Variants in ABLIM3 observed in about 807,000 individuals in gnomAD.
ABLIM3 encodes actin binding LIM protein family member 3.
ABLIM3 carries 61 observed loss-of-function variants against 109.5 expected under a neutral mutation model. The ratio of observed to expected loss-of-function variants is 0.56; its 90% CI spans 0.45 to 0.69. ABLIM3 has a LOEUF of 0.69. Ranked by LOEUF, ABLIM3 falls within the 30% of genes least tolerant of loss-of-function variation. The probability of loss-of-function intolerance (pLI) is 0.00; values close to 1 mark genes in which losing one functional copy is unlikely to be tolerated. For synonymous variants in ABLIM3, 300 were observed against 324.8 expected (o/e 0.92, Z 0.82); for missense variants, 796 against 889.5 (o/e 0.89, Z 1.34).
chr5:149,203,102 C>A (rs2127502123), intron 5 of ABLIM3, among the ~76,000 whole-genome samples: 1 of 151,896 alleles, frequency 6.6e-6, no homozygotes, highest in South Asian at 2.1e-4. Flanking sequence ...CACCATTGCA[C>A]CACTACCCTC....
intron 6 of ABLIM3, among the ~76,000 whole-genome samples, chr5:149,209,911 A>G (rs1412561700): frequency 1.3e-5 from 2 of 152,314 alleles, no homozygotes; most frequent in African/African-American, 4.8e-5. Flanking sequence ...CGAGATGGAA[A>G]AGTGATGTGC....
rs1758146841 is a variant in ABLIM3, at chr5:149,198,130, A to G, written c.152-89A>G. ...TTCTGTGGCCACTCATGACACAGTG[A>G]GACACCAGCCTTTCCCCCAGCGAGG... On this transcript the variant is annotated intron_variant, in intron 3 of 23. Coordinates refer to ENST00000309868, the MANE Select transcript of ABLIM3 (RefSeq NM_014945.5). This position sits in a 1 kb window ranked among gnomAD's most constrained non-coding sequence, Gnocchi z 4.2. 7.6e-7 allele frequency: 1 copy of G among 1,321,706 alleles called. No homozygotes were observed. The highest frequency in any genetic ancestry group is 1.5e-5 in the African/African-American group (1 of 67,698). 81.9% of individuals were successfully genotyped at this position (1,321,706 alleles called of 1,614,324 possible).
Position 149,242,492 on chromosome 5 carries a change from T to C in ABLIM3, c.1305T>C (p.Ala435=), listed in dbSNP as rs1337145768. The C allele has an allele frequency of 2.5e-6, 4 of 1,614,010 alleles. No homozygotes were observed. The highest frequency in any genetic ancestry group is 3.4e-6 in the Non-Finnish European group (4 of 1,180,034). The change falls in exon 15 of 24, where the codon GCT becomes GCC. Residue 435 remains alanine, a splice_region_variant and synonymous_variant. Coordinates refer to ENST00000309868, the MANE Select transcript of ABLIM3 (RefSeq NM_014945.5). The part of the protein sequence containing the change: ...YQAPKHFHIP[A]GDSNIYRKPP... ...GTCCCTTCCTGGTCTGTCTGGCAGC[T>C]GGAGACAGTAACATCTACCGGAAAC... is the stretch of plus-strand genomic sequence containing the variant.
intron 3 of ABLIM3, among the ~76,000 whole-genome samples, chr5:149,187,934 C>T (rs1757129838): frequency 6.6e-6 from 1 of 152,242 alleles, no homozygotes; most frequent in South Asian, 2.1e-4. Context: ...ATAAGAACCT[C>T]TTCCCCTCCC....
Position 149,251,413 on chromosome 5 carries a change from A to G in ABLIM3, c.1843A>G (p.Met615Val). The G allele has an allele frequency of 6.2e-7, 1 of 1,614,124 alleles. No individual in the cohort carries two copies. Among genetic ancestry groups the G allele is most frequent in the Non-Finnish European group, 8.5e-7 (1 of 1,180,004 alleles). The change falls in exon 21 of 24, where the codon ATG becomes GTG. Residue 615 changes from methionine (M) to valine (V), a missense_variant. Physicochemically the swap from Met to Val is conservative, Grantham distance 21. Transcript: ENST00000309868. Reference protein sequence around the residue: ...YDSMNAVNWGMREYKIYPYEL... With the variant: ...YDSMNAVNWGVREYKIYPYEL... ...CAGCATGAACGCAGTCAACTGGGGC[A>G]TGCGAGGTGAGTGCAGGCCTGCAGG...
chr5:149,230,639 G>A lies in ABLIM3; in HGVS notation c.758-10G>A. The stretch of plus-strand genomic sequence containing the variant: ...AGGTCTGAGTCTTCGTTATTTTCAT[G>A]ACCCCTTAGGTTCCGAGGTTTGGCA... On this transcript the variant is annotated splice_polypyrimidine_tract_variant and intron_variant, in intron 8 of 23. Transcript: ENST00000309868. 6.2e-7 allele frequency: 1 copy of A among 1,613,958 alleles called. No homozygotes were observed. Among genetic ancestry groups the A allele is most frequent in the Non-Finnish European group, 8.5e-7 (1 of 1,179,912 alleles).
Position 149,198,927 on chromosome 5 carries a change from T to C in ABLIM3, c.335+525T>C, listed in dbSNP as rs1018340289. 7.7e-6 allele frequency: 3 copies of C among 389,186 alleles called. No individual in the cohort carries two copies. The highest frequency in any genetic ancestry group is 1.6e-5 in the Non-Finnish European group (3 of 193,490). 24.1% of individuals were successfully genotyped at this position (389,186 alleles called of 1,614,324 possible). A position where few individuals can be genotyped will look rare whatever the true frequency, so the allele number is the denominator to read the frequency against. ...AAGCCATTCCAACCTCATTGGGTTT[T>C]CTCGAAGATCAATGAGATGATGATG... On this transcript the variant is annotated intron_variant, in intron 4 of 23. Coordinates refer to ENST00000309868, the MANE Select transcript of ABLIM3 (RefSeq NM_014945.5). The surrounding 1 kb of genome is among the most constrained non-coding windows in gnomAD (Gnocchi z 4.2).
intron 8 of ABLIM3, among the ~76,000 whole-genome samples, chr5:149,225,289 C>A (rs2918271): frequency 0.019 from 2,883 of 152,276 alleles, 36 homozygotes; most frequent in Middle Eastern, 0.027. Context: ...AAACCTCATA[C>A]ATGCCATTAA....
intron 3 of ABLIM3, among the ~76,000 whole-genome samples, chr5:149,197,000 G>A (rs1758042882): frequency 6.6e-6 from 1 of 152,112 alleles, no homozygotes; most frequent in Admixed American, 6.5e-5. Flanking sequence ...AAATCCTGTT[G>A]CATCTCTGTT....
intron 2 of ABLIM3, among the ~76,000 whole-genome samples, chr5:149,163,748 G>A (rs1754588643): frequency 6.6e-6 from 1 of 152,172 alleles, no homozygotes; most frequent in Admixed American, 6.5e-5. Flanking sequence ...ACTTCATCAT[G>A]TGAATTTGGG....
chr5:149,203,420 C>T, intron 5 of ABLIM3, among the ~76,000 whole-genome samples: 1 of 151,970 alleles, frequency 6.6e-6, no homozygotes. Context: ...AGCAGCAGTA[C>T]CACTGCTACC....
chr5:149,248,823 T>C (rs930823256), intron 18 of ABLIM3, among the ~76,000 whole-genome samples: 1 of 150,986 alleles, frequency 6.6e-6, no homozygotes, highest in Non-Finnish European at 1.5e-5. Context: ...TTCAAATACT[T>C]CTTGAAAATC....
At chr5:149,237,914 T>C (rs980583248) in intron 11 of ABLIM3, among the ~76,000 whole-genome samples, 1 of 152,142 alleles carries the variant, frequency 6.6e-6, no homozygotes, top group Non-Finnish European at 1.5e-5. Context: ...AATCCCAGCA[T>C]TGAAGCTAAG....
chr5:149,157,675 G>A (rs1045382563), intron 2 of ABLIM3, among the ~76,000 whole-genome samples: 3 of 151,996 alleles, frequency 2.0e-5, no homozygotes, highest in African/African-American at 7.3e-5. Flanking sequence ...AGAAGAAGAA[G>A]TGTTTATTCC....
intron 3 of ABLIM3, among the ~76,000 whole-genome samples, chr5:149,188,593 T>A (rs10068169): frequency 0.024 from 3,690 of 152,280 alleles, 147 homozygotes; most frequent in African/African-American, 0.084. Context: ...TCTTGCTGCG[T>A]CTTCGCATGG....
intron 3 of ABLIM3, among the ~76,000 whole-genome samples, chr5:149,186,331 T>A (rs1481318771): frequency 6.6e-6 from 1 of 152,016 alleles, no homozygotes; most frequent in African/African-American, 2.4e-5. Flanking sequence ...GGAGAATCGC[T>A]TGAAGCCGGG....
chr5:149,210,925 C>T (rs959348332), intron 7 of ABLIM3, 106 bp downstream of exon 7: 4 of 1,009,542 alleles, frequency 4.0e-6, no homozygotes, highest in Admixed American at 1.8e-5. Flanking sequence ...TTTCCATAGC[C>T]TTTACCTCCT....
chr5:149,143,236 G>A (rs1752645046), intron 2 of ABLIM3, among the ~76,000 whole-genome samples: 1 of 151,924 alleles, frequency 6.6e-6, no homozygotes, highest in African/African-American at 2.4e-5. Context: ...GGTGGTGTGG[G>A]CCTGTAATCC....
intron 2 of ABLIM3, among the ~76,000 whole-genome samples, chr5:149,165,150 GGTCATCTA>G (rs1561544001): frequency 6.6e-6 from 1 of 152,208 alleles, no homozygotes; most frequent in Non-Finnish European, 1.5e-5. Context: ...GGGCCTTCAA[GGTCATCTA>G]GTCTAATAAC....
Sources: gnomAD v4.1 joint callset for allele counts (sites outside exome capture counted in the v4.1 genomes callset) on GRCh38, gnomAD v4.1.1 for gene constraint, Gnocchi (gnomAD v3.1) non-coding constraint, MANE v1.5 for transcripts, NCBI Gene and HGNC (gene_info 2026-07-23, HGNC 2026-07-21) for gene names.